The following EPB41L5 variants were observed in gnomAD, a reference collection of about 807,000 sequenced individuals.
EPB41L5 encodes erythrocyte membrane protein band 4.1 like 5, also known as band 4.1-like protein 5.
EPB41L5 carries 55 observed loss-of-function variants against 106.6 expected under a neutral mutation model. The ratio of observed to expected loss-of-function variants is 0.52; its 90% CI spans 0.42 to 0.65. EPB41L5 has a LOEUF of 0.65. EPB41L5 is among the 30% of genes least tolerant of loss of function. EPB41L5 has a pLI of 0.00. For missense variants in EPB41L5, 871 were observed against 882.1 expected (o/e 0.99, Z 0.16); for synonymous variants, 297 against 306.7 (o/e 0.97, Z 0.33).
At chr2:120,020,826 AAAAGAG>A (rs1030478712) in intron 2 of EPB41L5, among the ~76,000 whole-genome samples, 2 of 30,408 alleles carry the variant, frequency 6.6e-5, no homozygotes, top group African/African-American at 1.8e-4. Flanking sequence ...AAAAAAAAAA[AAAAGAG>A]GTTTTTAAAA....
chr2:120,118,845 T>C (rs1055190856), intron 16 of EPB41L5, among the ~76,000 whole-genome samples: 4 of 152,370 alleles, frequency 2.6e-5, no homozygotes, highest in South Asian at 2.1e-4. Flanking sequence ...CTTTTGGGTA[T>C]ATGCCCAGTA....
chr2:120,103,607 G>T (rs1412654194), intron 16 of EPB41L5, among the ~76,000 whole-genome samples: 1 of 152,086 alleles, frequency 6.6e-6, no homozygotes, highest in African/African-American at 2.4e-5. Context: ...CCCATAATTT[G>T]AGGAAGAATT....
intron 2 of EPB41L5, among the ~76,000 whole-genome samples, chr2:120,024,453 G>T (rs13431357): frequency 9.9e-4 from 150 of 152,062 alleles, no homozygotes; most frequent in African/African-American, 3.5e-3. Context: ...GGTTTTTTGT[G>T]TGTGTGTTTG....
At chr2:120,061,291 C>T (rs1438675196) in intron 3 of EPB41L5, among the ~76,000 whole-genome samples, 8 of 145,934 alleles carry the variant, frequency 5.5e-5, no homozygotes, top group African/African-American at 1.8e-4. Context: ...GGCGGGATCT[C>T]GGCTCACTGC....
At chr2:120,101,610 A>G (rs561504219) in intron 16 of EPB41L5, 2 of 152,284 alleles carry the variant, frequency 1.3e-5, no homozygotes, top group East Asian at 3.9e-4. Flanking sequence ...CCTGAAATCT[A>G]ATGCATTTCT....
chr2:120,155,515 T>A (rs1485899471), intron 20 of EPB41L5, among the ~76,000 whole-genome samples: 1 of 152,186 alleles, frequency 6.6e-6, no homozygotes, highest in East Asian at 1.9e-4. Context: ...TCATTGAGCT[T>A]CTTAGATGTG....
rs531889366 is a variant in EPB41L5 at position 120,073,324 on chromosome 2, T to A, written c.328+104T>A. On this transcript the variant is annotated intron_variant, in intron 4 of 24. Coordinates refer to ENST00000263713, the MANE Select transcript of EPB41L5 (RefSeq NM_020909.4). ...GAAATCATGTTTCAGATGAGTTTTT[T>A]AGCATTTCCATTTTCTAGAAATTAT... 5 of 1,015,580 alleles carry A rather than the reference T, an allele frequency of 4.9e-6. No homozygotes were observed. In the South Asian group the frequency reaches 7.4e-5, roughly 15 times the overall value. 62.9% of individuals were successfully genotyped at this position (1,015,580 alleles called of 1,614,324 possible).
chr2:120,029,497 T>C (rs1480136451), intron 2 of EPB41L5, among the ~76,000 whole-genome samples: 1 of 152,062 alleles, frequency 6.6e-6, no homozygotes, highest in African/African-American at 2.4e-5. Flanking sequence ...TATACATAGG[T>C]AGAGATGGGA....
intron 3 of EPB41L5, among the ~76,000 whole-genome samples, chr2:120,072,463 A>G (rs574439182): frequency 1.3e-5 from 2 of 152,350 alleles, no homozygotes; most frequent in East Asian, 1.9e-4. Flanking sequence ...TCATTCTACT[A>G]TAAAGACACA....
At chr2:120,114,086 G>C (rs1300083651) in intron 16 of EPB41L5, among the ~76,000 whole-genome samples, 2 of 152,150 alleles carry the variant, frequency 1.3e-5, no homozygotes, top group Non-Finnish European at 2.9e-5. Context: ...TTTCAGAGTG[G>C]CCACACCATG....
intron 24 of EPB41L5, among the ~76,000 whole-genome samples, chr2:120,170,444 G>T (rs1687625745): frequency 6.6e-6 from 1 of 152,228 alleles, no homozygotes; most frequent in African/African-American, 2.4e-5. Context: ...AGAGCTCTTG[G>T]CAGGATTCAG....
At chr2:120,021,201 G>A (rs1225524776) in intron 2 of EPB41L5, among the ~76,000 whole-genome samples, 3 of 152,060 alleles carry the variant, frequency 2.0e-5, no homozygotes, top group African/African-American at 4.8e-5. Context: ...TTAACCGGGC[G>A]TGGTGGCATG....
chr2:120,098,502 C>G (rs1034174993), intron 14 of EPB41L5, among the ~76,000 whole-genome samples: 2 of 152,134 alleles, frequency 1.3e-5, no homozygotes, highest in Non-Finnish European at 2.9e-5. Context: ...CATGAGCCAC[C>G]ATGCCTCACC....
intron 3 of EPB41L5, among the ~76,000 whole-genome samples, chr2:120,064,367 T>C (rs1485126965): frequency 1.3e-5 from 2 of 152,204 alleles, no homozygotes; most frequent in Admixed American, 1.3e-4. Flanking sequence ...GGTGCATTTC[T>C]TTATTAGAGA....
chr2:120,031,505 T>G (rs956896440), intron 2 of EPB41L5, among the ~76,000 whole-genome samples: 1 of 152,016 alleles, frequency 6.6e-6, no homozygotes, highest in Admixed American at 6.6e-5. Context: ...GAATTTGTAG[T>G]GGGCCAGAGC....
intron 16 of EPB41L5, chr2:120,104,653 C>T (rs1684345053): frequency 7.1e-6 from 7 of 986,404 alleles, no homozygotes; most frequent in Non-Finnish European, 7.2e-6. Context: ...CATGTCTAGG[C>T]ATAATATATC....
At chr2:120,164,165 G>A (rs1687287245) in intron 21 of EPB41L5, among the ~76,000 whole-genome samples, 1 of 151,636 alleles carries the variant, frequency 6.6e-6, no homozygotes, top group South Asian at 2.1e-4. Context: ...TGTATTTTTA[G>A]TAGAGACGGA....
At chr2:120,110,484 C>A (rs759271700) in intron 16 of EPB41L5, among the ~76,000 whole-genome samples, 1 of 152,184 alleles carries the variant, frequency 6.6e-6, no homozygotes, top group African/African-American at 2.4e-5. Flanking sequence ...TCCACACTTA[C>A]ATATCCAACT....
At chr2:120,143,928 A>C (rs72841642) in intron 19 of EPB41L5, among the ~76,000 whole-genome samples, 1 of 152,332 alleles carries the variant, frequency 6.6e-6, no homozygotes, top group Non-Finnish European at 1.5e-5. Context: ...TCTGAGCCAC[A>C]GTTTAATTAT....
Sources: gnomAD v4.1 joint callset for allele counts (sites outside exome capture counted in the v4.1 genomes callset) on GRCh38, gnomAD v4.1.1 for gene constraint, MANE v1.5 for transcripts, NCBI Gene and HGNC (gene_info 2026-07-23, HGNC 2026-07-21) for gene names.